Variants in SRP54 observed in about 807,000 individuals in gnomAD.
SRP54 encodes the protein signal recognition particle subunit SRP54.
Under a neutral mutation model 64.8 loss-of-function variants are expected in SRP54, and 10 were observed. The ratio of observed to expected loss-of-function variants is 0.15; its 90% CI spans 0.10 to 0.26. The LOEUF is 0.26. SRP54 is among the 10% of genes least tolerant of loss of function. SRP54 has a pLI of 1.00. For missense variants in SRP54, 325 were observed against 613.7 expected (o/e 0.53, Z 4.97); for synonymous variants, 193 against 185.6 (o/e 1.04, Z -0.32).
At chr14:35,027,447 T>C (rs144618886) in intron 14 of SRP54, among the ~76,000 whole-genome samples, 1 of 152,202 alleles carries the variant, frequency 6.6e-6, no homozygotes, top group Non-Finnish European at 1.5e-5. Flanking sequence ...TAAGCCGTTG[T>C]TATAGCTTAC....
chr14:35,020,959 A>G (rs1329746238), intron 13 of SRP54, among the ~76,000 whole-genome samples: 1 of 152,040 alleles, frequency 6.6e-6, no homozygotes, highest in African/African-American at 2.4e-5. Context: ...ACTCTGTCGT[A>G]TTACTTGCCA....
chr14:34,997,776 G>T (rs924739739), intron 2 of SRP54, among the ~76,000 whole-genome samples: 5 of 152,152 alleles, frequency 3.3e-5, no homozygotes, highest in Non-Finnish European at 7.4e-5. Flanking sequence ...ACCAGGATTA[G>T]AACCTTTTTT....
At chr14:35,007,497 A>G (rs1020097182) in intron 5 of SRP54, 110 bp downstream of exon 5, 3 of 300,510 alleles carry the variant, frequency 1.0e-5, no homozygotes, top group Non-Finnish European at 1.8e-5. Flanking sequence ...GTTGAAATAT[A>G]TATTTTATTA....
At chr14:35,018,260 C>T (rs542197597) in intron 11 of SRP54, among the ~76,000 whole-genome samples, 1 of 152,230 alleles carries the variant, frequency 6.6e-6, no homozygotes, top group East Asian at 1.9e-4. Context: ...TTTTCCTGTT[C>T]ATAGATACCT....
chr14:34,990,382 T>C (rs543418553), intron 1 of SRP54, among the ~76,000 whole-genome samples: 5 of 152,192 alleles, frequency 3.3e-5, no homozygotes, highest in Middle Eastern at 3.2e-3. Flanking sequence ...ATTCATACTC[T>C]AGCCAAAGGA....
At position 35,019,023 on chromosome 14, in the gene SRP54, A is replaced by G. The variant is rs753224082; in HGVS notation, c.1105A>G (p.Met369Val). The G allele has an allele frequency of 1.9e-6, 3 of 1,613,884 alleles. No individual in the cohort carries two copies. Among genetic ancestry groups the G allele is most frequent in the Non-Finnish European group, 2.5e-6 (3 of 1,179,888 alleles). ...GAGCAAAGGAAATGAACAGGAGTCA[A>G]TGGCAAGGCTAAAGAAATTAATGAC... ...FMSKGNEQES[M>V]ARLKKLMTIM... Residue 369 changes from methionine (M) to valine (V), a missense_variant, in exon 13 of 16, where the codon ATG becomes GTG. This residue lies in a region of SRP54 where 146 missense variants were observed against 337.4 expected (regional missense o/e 0.43). Transcript: ENST00000216774.
At chr14:35,010,096 C>T (rs757164076) in intron 7 of SRP54, among the ~76,000 whole-genome samples, 2 of 150,702 alleles carry the variant, frequency 1.3e-5, no homozygotes, top group Non-Finnish European at 3.0e-5. Context: ...TGCATTGAGC[C>T]GAGATCGTGC....
intron 1 of SRP54, among the ~76,000 whole-genome samples, chr14:34,996,282 A>G (rs2044072435): frequency 6.6e-6 from 1 of 152,088 alleles, no homozygotes; most frequent in South Asian, 2.1e-4. Context: ...TTAATGTGGG[A>G]AATTAGGCAG....
intron 4 of SRP54, among the ~76,000 whole-genome samples, chr14:35,003,339 C>A (rs1444497982): frequency 2.0e-5 from 3 of 151,958 alleles, no homozygotes; most frequent in Non-Finnish European, 4.4e-5. Context: ...TGAATCAAGG[C>A]AGTGGCACCA....
chr14:35,001,878 G>A (rs2044178760), intron 4 of SRP54, among the ~76,000 whole-genome samples: 1 of 151,654 alleles, frequency 6.6e-6, no homozygotes, highest in Non-Finnish European at 1.5e-5. Context: ...GGGCTCAGTT[G>A]TAGAAAAAAA....
intron 1 of SRP54, among the ~76,000 whole-genome samples, chr14:34,993,923 A>G (rs1162379878): frequency 6.6e-6 from 1 of 151,812 alleles, no homozygotes; most frequent in Non-Finnish European, 1.5e-5. Context: ...TCGAACTCCC[A>G]ACCTCAGGTG....
rs1261586091 is a variant in SRP54 at position 35,028,084 on chromosome 14, T to G, written c.1328-4T>G. 1 of 1,599,684 alleles carries G rather than the reference T, an allele frequency of 6.3e-7. No homozygotes were observed. Among genetic ancestry groups the G allele is most frequent in the South Asian group, 1.1e-5 (1 of 88,644 alleles). On this transcript the variant is annotated splice_polypyrimidine_tract_variant and splice_region_variant and intron_variant, in intron 14 of 15. Transcript: ENST00000216774. ...ACTCAAAATCTTTTTTTTTTTCCCC[T>G]CAGGTGGCGACATGTCTAAGAATGT...
At chr14:34,995,091 CTT>C (rs757548793) in intron 1 of SRP54, among the ~76,000 whole-genome samples, 1 of 102,642 alleles carries the variant, frequency 9.7e-6, no homozygotes. Context: ...CTTTTTTTTC[CTT>C]TTTTTTTTTT....
chr14:35,018,898 G>T (rs1434921611), intron 12 of SRP54, 68 bp from the exon 13 acceptor site: 2 of 1,473,648 alleles, frequency 1.4e-6, no homozygotes, highest in African/African-American at 2.8e-5. Flanking sequence ...AAACCTAATA[G>T]TTAAATGTGG....
In SRP54 at chr14:34,995,477, T is replaced by C. The variant is rs799497; in HGVS notation, c.-33-1200T>C. Among the ~76,000 whole-genome samples, 114 of 152,208 alleles carry C rather than the reference T, an allele frequency of 7.5e-4. 1 individual carries two copies. The highest frequency in any genetic ancestry group is 1.4e-3 in the Non-Finnish European group (97 of 68,002). ...CAGTCAGACAGGAGGAATTCTCTCT[T>C]AGTGTTTATTTTAGTGTTCATTTGT... On this transcript the variant is annotated intron_variant, in intron 1 of 15. Coordinates refer to ENST00000216774, the MANE Select transcript of SRP54 (RefSeq NM_003136.4).
chr14:34,991,737 G>T (rs2043983422), intron 1 of SRP54, among the ~76,000 whole-genome samples: 1 of 150,006 alleles, frequency 6.7e-6, no homozygotes, highest in South Asian at 2.2e-4. Context: ...TGGGGGTGGG[G>T]GGTGGAGGGG....
At chr14:34,991,902 T>A (rs978766122) in intron 1 of SRP54, among the ~76,000 whole-genome samples, 2 of 152,180 alleles carry the variant, frequency 1.3e-5, no homozygotes, top group Non-Finnish European at 2.9e-5. Flanking sequence ...ATGTTCTTAC[T>A]CCTCTACTGA....
chr14:35,013,862 T>C lies in SRP54; in HGVS notation c.846T>C (p.Phe282=), dbSNP rs763784665. The change falls in exon 10 of 16, where the codon TTT becomes TTC. Residue 282 remains phenylalanine, a synonymous_variant. Transcript: ENST00000216774. ...FIGTGEHIDD[F]EPFKTQPFIS... is the part of the protein sequence containing the mutation. Reference sequence around the variant, plus strand: ...GTACAGGGGAACATATAGATGACTTTGAACCTTTCAAAACACAGCCTTTTA... The same window carrying C: ...GTACAGGGGAACATATAGATGACTTCGAACCTTTCAAAACACAGCCTTTTA... 3.1e-6 allele frequency: 5 copies of C among 1,614,106 alleles called. No individual in the cohort carries two copies. Among genetic ancestry groups the C allele is most frequent in the Non-Finnish European group, 4.2e-6 (5 of 1,179,990 alleles).
In SRP54 at chr14:35,022,912, C is replaced by G. The variant is rs1439485748; in HGVS notation, c.1159C>G (p.Leu387Val). ...AGAGTAACTGACCTTGTCTACAGAA[C>G]TAGACAGTACGGATGGTGCCAAAGT... is the stretch of plus-strand genomic sequence containing the variant. Reference protein sequence around the residue: ...TIMDSMNDQELDSTDGAKVFS... With the variant: ...TIMDSMNDQEVDSTDGAKVFS... Residue 387 changes from leucine to valine, a missense_variant and splice_region_variant, in exon 14 of 16, where the codon CTA (leucine) becomes GTA (valine). By Grantham distance (32) the Leu-to-Val change is conservative. This residue lies in a region of SRP54 where 146 missense variants were observed against 337.4 expected (regional missense o/e 0.43). Transcript: ENST00000216774. 6.2e-7 allele frequency: 1 copy of G among 1,609,644 alleles called. No individual in the cohort carries two copies. The highest frequency in any genetic ancestry group is 8.5e-7 in the Non-Finnish European group (1 of 1,177,966).
Sources: allele counts gnomAD v4.1 joint callset (sites outside exome capture counted in the v4.1 genomes callset), GRCh38; gene constraint gnomAD v4.1.1; regional missense constraint gnomAD v4.1.1; transcripts MANE v1.5; gene names NCBI Gene and HGNC (gene_info 2026-07-23, HGNC 2026-07-21).